ANKS1A: variants seen among roughly 807,000 people sequenced by gnomAD.
ANKS1A encodes ankyrin repeat and sterile alpha motif domain containing 1A.
Under a neutral mutation model 120.3 loss-of-function variants are expected in ANKS1A, and 55 were observed. The observed-to-expected ratio is 0.46, with a 90% CI of 0.37 to 0.57. The LOEUF is 0.57. ANKS1A is among the 20% of genes least tolerant of loss of function. The pLI is 0.00. For synonymous variants in ANKS1A, 590 were observed against 604.7 expected (o/e 0.98, Z 0.36); for missense variants, 1,123 against 1,480.3 (o/e 0.76, Z 3.96).
chr6:34,961,356 A>G (rs970891094), intron 1 of ANKS1A, among the ~76,000 whole-genome samples: 1 of 152,132 alleles, frequency 6.6e-6, no homozygotes, highest in Admixed American at 6.6e-5. Context: ...AATACCAAAC[A>G]AGGAGATTAG....
chr6:35,079,639 A>G lies in ANKS1A; in HGVS notation c.2407A>G (p.Lys803Glu). Residue 803 changes from lysine (K) to glutamate (E), a missense_variant, in exon 15 of 24, where the codon AAG becomes GAG. Coordinates refer to ENST00000360359, the MANE Select transcript of ANKS1A (RefSeq NM_015245.3). ...SSGYSSIDTV[K>E]NLWELELVNV... ...TGGTTACAGCTCCATTGACACCGTG[A>G]AGAACCTCTGGGAGCTAGAGCTCGT... 1 of 1,614,164 alleles carries G rather than the reference A, an allele frequency of 6.2e-7. No individual in the cohort carries two copies.
At chr6:34,939,987 A>T (rs765542559) in intron 1 of ANKS1A, among the ~76,000 whole-genome samples, 1 of 152,212 alleles carries the variant, frequency 6.6e-6, no homozygotes, top group Non-Finnish European at 1.5e-5. Flanking sequence ...TGTGAGCACA[A>T]TGAATTTTGG....
At chr6:34,983,024 T>C (rs1323256453) in intron 5 of ANKS1A, 89 bp from the exon 6 acceptor site, 2 of 1,369,080 alleles carry the variant, frequency 1.5e-6, no homozygotes, top group East Asian at 2.3e-5. Context: ...GCCATGCTGC[T>C]GACAGCCTTA....
chr6:34,906,800 G>A (rs1371549759), intron 1 of ANKS1A, among the ~76,000 whole-genome samples: 2 of 152,172 alleles, frequency 1.3e-5, no homozygotes, highest in Non-Finnish European at 2.9e-5. Flanking sequence ...TTGTTCTTTG[G>A]TAGTCCTCTC....
intron 1 of ANKS1A, among the ~76,000 whole-genome samples, chr6:34,897,367 C>T (rs1267365353): frequency 6.6e-6 from 1 of 152,196 alleles, no homozygotes; most frequent in Middle Eastern, 3.4e-3. Flanking sequence ...ATTGTTCACC[C>T]CAAACAGCTG....
chr6:35,059,365 A>AGCCCATGTGCCCCGGCCCATGT (rs1391745225), intron 12 of ANKS1A, among the ~76,000 whole-genome samples: 2 of 152,200 alleles, frequency 1.3e-5, no homozygotes, highest in Non-Finnish European at 2.9e-5. Context: ...CTGACCCCCG[A>AGCCCATGTGCCCCGGCCCATGT]GCCCCGGCCC....
chr6:35,090,225 C>T lies in ANKS1A; in HGVS notation c.*1616C>T, dbSNP rs1778226042. 7.8e-7 allele frequency: 1 copy of T among 1,289,638 alleles called. No individual in the cohort carries two copies. The highest frequency in any genetic ancestry group is 1.0e-6 in the Non-Finnish European group (1 of 988,894). 79.9% of individuals were successfully genotyped at this position (1,289,638 alleles called of 1,614,324 possible). On this transcript the variant is annotated 3_prime_UTR_variant, in exon 24 of 24. Transcript: ENST00000360359. ...GTTTTACTTCATTTCCTGCCCCTTT[C>T]AGGGCCTGTGAGGATGCCCATGAGC...
downstream of ANKS1A, among the ~76,000 whole-genome samples, chr6:35,093,863 A>T (rs1387017806): frequency 1.3e-5 from 2 of 152,168 alleles, no homozygotes; most frequent in East Asian, 3.8e-4. Flanking sequence ...AAAGGCCAAG[A>T]CCTCTGCCCT....
chr6:35,082,777 A>G lies in ANKS1A; in HGVS notation c.2796A>G (p.Pro932=). The G allele has an allele frequency of 6.2e-7, 1 of 1,614,046 alleles. No individual in the cohort carries two copies. The highest frequency in any genetic ancestry group is 8.5e-7 in the Non-Finnish European group (1 of 1,179,932). Reference sequence around the variant, plus strand: ...CAGTGCAGAGTTGGCAACACCAGCCAGAGAAACTCATCTTCGAGTCCTGTG... The same window carrying G: ...CAGTGCAGAGTTGGCAACACCAGCCGGAGAAACTCATCTTCGAGTCCTGTG... ...YAPVQSWQHQ[P]EKLIFESCGY... is the part of the protein sequence containing the mutation. The change falls in exon 18 of 24, where the codon CCA becomes CCG. Residue 932 remains proline (P), a synonymous_variant. Coordinates refer to ENST00000360359, the MANE Select transcript of ANKS1A (RefSeq NM_015245.3). The surrounding 1 kb of genome is among the most constrained non-coding windows in gnomAD (Gnocchi z 4.1).
At chr6:34,976,599 A>G (rs769172261) in intron 3 of ANKS1A, among the ~76,000 whole-genome samples, 1 of 152,144 alleles carries the variant, frequency 6.6e-6, no homozygotes, top group Non-Finnish European at 1.5e-5. Flanking sequence ...GCCTCCAAAT[A>G]TAATCAACCT....
At chr6:35,053,985 C>A in intron 11 of ANKS1A, 114 bp from the exon 12 acceptor site, 1 of 814,874 alleles carries the variant, frequency 1.2e-6, no homozygotes, top group Non-Finnish European at 2.1e-6. Context: ...GGTGCTGGTC[C>A]TGGGAAGCAT....
At chr6:34,957,131 TCTC>T (rs1160647717) in intron 1 of ANKS1A, among the ~76,000 whole-genome samples, 3 of 152,226 alleles carry the variant, frequency 2.0e-5, no homozygotes, top group African/African-American at 7.2e-5. Context: ...TCAGTTATCT[TCTC>T]CTGTTCCTTT....
At chr6:35,078,779 T>A in intron 14 of ANKS1A, 123 bp downstream of exon 14, 1 of 839,980 alleles carries the variant, frequency 1.2e-6, no homozygotes, top group Non-Finnish European at 1.9e-6. Flanking sequence ...GCAGGACCTC[T>A]ACCCCTCACC....
rs769518477 is a variant in ANKS1A, at chr6:35,078,615, C to A, written c.2242C>A (p.His748Asn). 1 of 1,606,714 alleles carries A rather than the reference C, an allele frequency of 6.2e-7. No homozygotes were observed. The highest frequency in any genetic ancestry group is 1.1e-5 in the South Asian group (1 of 91,088). ...LRDIGISDPQ[H>N]RRKLLQAARS... Reference sequence around the variant, plus strand: ...GGACATCGGCATCAGCGACCCACAGCACCGGCGGAAGCTGCTCCAGGCGGC... The same window carrying A: ...GGACATCGGCATCAGCGACCCACAGAACCGGCGGAAGCTGCTCCAGGCGGC... The change falls in exon 14 of 24, where the codon CAC (histidine) becomes AAC (asparagine). Residue 748 changes from histidine (H) to asparagine (N), a missense_variant. This residue lies in a region of ANKS1A where 904 missense variants were observed against 1,130.4 expected (regional missense o/e 0.80). Transcript: ENST00000360359.
chr6:34,904,460 T>C (rs923809813), intron 1 of ANKS1A, among the ~76,000 whole-genome samples: 1 of 152,024 alleles, frequency 6.6e-6, no homozygotes, highest in Non-Finnish European at 1.5e-5. Flanking sequence ...TGGGCTGGGC[T>C]CAGTGACACA....
chr6:35,023,901 A>G (rs981801436), intron 11 of ANKS1A: 1 of 155,140 alleles, frequency 6.4e-6, no homozygotes, highest in African/African-American at 2.4e-5. Context: ...TCATAATATA[A>G]TTTCCATGTC....
intron 18 of ANKS1A, 102 bp from the exon 19 acceptor site, chr6:35,083,053 A>C: frequency 7.0e-7 from 1 of 1,437,652 alleles, no homozygotes; most frequent in Non-Finnish European, 9.6e-7. Flanking sequence ...GTTGTTATTG[A>C]GAGGGGTAAC....
intron 3 of ANKS1A, among the ~76,000 whole-genome samples, chr6:34,977,495 A>G (rs1581584354): frequency 6.6e-6 from 1 of 151,720 alleles, no homozygotes; most frequent in Non-Finnish European, 1.5e-5. Context: ...TCTTTCTGTC[A>G]TTTGAAAGGT....
chr6:35,074,500 G>C (rs1450783691), intron 13 of ANKS1A, among the ~76,000 whole-genome samples: 1 of 151,954 alleles, frequency 6.6e-6, no homozygotes, highest in Admixed American at 6.6e-5. Context: ...AGGAGGCTGA[G>C]GCAGGAGGAT....
Sources: gnomAD v4.1 joint callset for allele counts (sites outside exome capture counted in the v4.1 genomes callset) on GRCh38, gnomAD v4.1.1 for gene constraint, gnomAD v4.1.1 regional missense constraint, Gnocchi (gnomAD v3.1) non-coding constraint, MANE v1.5 for transcripts, NCBI Gene and HGNC (gene_info 2026-07-23, HGNC 2026-07-21) for gene names.